HTT: variants seen among roughly 807,000 people sequenced by gnomAD.
HTT encodes the protein huntingtin.
In HTT, 104 loss-of-function variants were observed where a neutral mutation model predicts 362.3. That is an observed-to-expected ratio of 0.29 (90% CI 0.24 to 0.34). The LOEUF (loss-of-function observed/expected upper bound fraction) is 0.34, where lower values mean the gene tolerates loss of function less well. Among genes scored for constraint, HTT ranks in the 10% least tolerant of loss-of-function variants. The pLI is 1.00. For synonymous variants in HTT, 1,577 were observed against 1,548.7 expected (o/e 1.02, Z -0.43); for missense variants, 3,301 against 3,928.6 (o/e 0.84, Z 4.27).
chr4:3,183,397 A>G (rs563317677), intron 37 of HTT, among the ~76,000 whole-genome samples: 1 of 152,326 alleles, frequency 6.6e-6, no homozygotes, highest in African/African-American at 2.4e-5. Flanking sequence ...AAATCTCATG[A>G]GCTGCCTGGC....
chr4:3,238,770 T>A (rs1721664664), intron 65 of HTT, 48 bp from the exon 66 acceptor site: 1 of 1,275,676 alleles, frequency 7.8e-7, no homozygotes, highest in African/African-American at 1.5e-5. Flanking sequence ...AGCAGGTGCT[T>A]CCCGTCCCCC....
At chr4:3,222,073 C>T (rs953403776) in intron 53 of HTT, among the ~76,000 whole-genome samples, 1 of 152,258 alleles carries the variant, frequency 6.6e-6, no homozygotes, top group African/African-American at 2.4e-5. Flanking sequence ...AGGTTGCCTG[C>T]ATGGGCGTCC....
At position 3,099,409 on chromosome 4, in the gene HTT, G is replaced by A; in HGVS notation, c.468+15G>A. On this transcript the variant is annotated intron_variant, in intron 3 of 66. Coordinates refer to ENST00000355072, the MANE Select transcript of HTT (RefSeq NM_001388492.1). ...AAGTTATCAAAGTAAGAACCGTGTG[G>A]ATGATGTTCTCCTCAGAGCTATCAT... The A allele has an allele frequency of 6.2e-7, 1 of 1,613,754 alleles. No homozygotes were observed. Among genetic ancestry groups the A allele is most frequent in the Non-Finnish European group, 8.5e-7 (1 of 1,179,728 alleles).
At position 3,074,905 on chromosome 4, in the gene HTT, AGCAGCAGCAGCAGCAGCAGCAG is replaced by A. The variant is rs1560534901; in HGVS notation, c.81_102del (p.Gln27HisfsTer67). ...CAGCAGCAGCAGCAGCAGCAGCAGC[AGCAGCAGCAGCAGCAGCAGCAG>A]CAGCAGCAACAGCCGCCACCGCCGC... On this transcript the variant is annotated frameshift_variant, in exon 1 of 67. Coordinates refer to ENST00000355072, the MANE Select transcript of HTT (RefSeq NM_001388492.1). LOFTEE classifies it high-confidence loss of function. 4.0e-6 allele frequency: 6 copies of A among 1,499,454 alleles called. No individual in the cohort carries two copies. The highest frequency in any genetic ancestry group is 2.9e-5 in the African/African-American group (2 of 67,806). 92.9% of individuals were successfully genotyped at this position (1,499,454 alleles called of 1,614,324 possible).
At chr4:3,097,823 A>G (rs1012717703) in intron 2 of HTT, among the ~76,000 whole-genome samples, 2 of 152,218 alleles carry the variant, frequency 1.3e-5, no homozygotes, top group South Asian at 2.1e-4. Context: ...GTAAAAATCA[A>G]TATTTAGTTA....
At chr4:3,182,497 G>A in intron 37 of HTT, 27 bp downstream of exon 37, 5 of 1,430,822 alleles carry the variant, frequency 3.5e-6, no homozygotes, top group Non-Finnish European at 3.9e-6. Context: ...TTGGCTTGTT[G>A]TTGCATAGTG....
In HTT at chr4:3,127,401, A is replaced by G. The variant is rs1190553212; in HGVS notation, c.1540A>G (p.Ser514Gly). The change falls in exon 12 of 67, where the codon AGC (serine) becomes GGC (glycine). Residue 514 changes from serine (S) to glycine (G), a missense_variant. Physicochemically the swap from Ser to Gly is moderately conservative, Grantham distance 56 (BLOSUM62 0). Transcript: ENST00000355072. ...TLQADSVDLA[S>G]CDLTSSATDG... ...GCAGGCGGACTCAGTGGATCTGGCC[A>G]GCTGTGACTTGACAAGCTCTGCCAC... 1.1e-5 allele frequency: 18 copies of G among 1,614,180 alleles called. No individual in the cohort carries two copies. The highest frequency in any genetic ancestry group is 1.4e-5 in the Non-Finnish European group (17 of 1,180,020).
intron 29 of HTT, among the ~76,000 whole-genome samples, chr4:3,162,350 G>A (rs916377149): frequency 2.0e-5 from 3 of 152,164 alleles, no homozygotes; most frequent in Non-Finnish European, 2.9e-5. Context: ...TTGAAGTCAG[G>A]TAGTGTGATG....
intron 32 of HTT, 40 bp from the exon 33 acceptor site, chr4:3,174,906 T>C: frequency 1.3e-6 from 2 of 1,552,680 alleles, no homozygotes; most frequent in Non-Finnish European, 8.8e-7. Flanking sequence ...AGTTGAAGGC[T>C]TACTTATGGA....
chr4:3,223,427 A>T lies in HTT; in HGVS notation c.7492A>T (p.Ile2498Phe), dbSNP rs759214847. ...CCAGGAAGACACAGAGAGGACCCAGATCAACGTCCTGGCCGTGCAGGCCAT... is the reference window on the plus strand; with the variant it reads ...CCAGGAAGACACAGAGAGGACCCAGTTCAACGTCCTGGCCGTGCAGGCCAT... The part of the protein sequence containing the change: ...PPEEDTERTQ[I>F]NVLAVQAITS... Residue 2498 changes from isoleucine to phenylalanine, a missense_variant, in exon 55 of 67, where the codon ATC (isoleucine) becomes TTC (phenylalanine). Ile to Phe is a conservative substitution (Grantham distance 21). Transcript: ENST00000355072. 9.4e-6 allele frequency: 15 copies of T among 1,600,670 alleles called. No individual in the cohort carries two copies. Among genetic ancestry groups the T allele is most frequent in the Admixed American group, 3.5e-5 (2 of 57,292 alleles).
chr4:3,194,221 T>A (rs1719145780), intron 40 of HTT, among the ~76,000 whole-genome samples: 1 of 152,240 alleles, frequency 6.6e-6, no homozygotes, highest in Admixed American at 6.5e-5. Flanking sequence ...TAATACCTGG[T>A]TCAGGAACTA....
At chr4:3,144,236 A>G (rs1034409398) in intron 23 of HTT, among the ~76,000 whole-genome samples, 4 of 152,232 alleles carry the variant, frequency 2.6e-5, no homozygotes, top group African/African-American at 7.2e-5. Context: ...CAAATTTTCT[A>G]AAATGAGCAA....
At chr4:3,160,895 G>T (rs1717408253) in intron 29 of HTT, among the ~76,000 whole-genome samples, 1 of 151,766 alleles carries the variant, frequency 6.6e-6, no homozygotes, top group Admixed American at 6.6e-5. Context: ...CTTTTTTTTG[G>T]TGGCTAATTT....
At position 3,240,295 on chromosome 4, in the gene HTT, C is replaced by A. The variant is rs73792379; in HGVS notation, c.*236C>A. 2,524 of 578,208 alleles carry A rather than the reference C, an allele frequency of 4.4e-3. 50 individuals are homozygous for A. The highest frequency in any genetic ancestry group is 0.043 in the African/African-American group (2,318 of 53,514). The allele number at this position is 578,208 out of a possible 1,614,324, so 35.8% of individuals were successfully genotyped here. ...GCTGAGCCTGAGGCCTTCCAGAAAG[C>A]AGGAGCAGCTGTGCTGCACCCCATG... On this transcript the variant is annotated 3_prime_UTR_variant, in exon 67 of 67. Coordinates refer to ENST00000355072, the MANE Select transcript of HTT (RefSeq NM_001388492.1).
intron 57 of HTT, 102 bp downstream of exon 57, chr4:3,225,845 A>G: frequency 1.3e-6 from 1 of 766,080 alleles, no homozygotes; most frequent in Non-Finnish European, 2.1e-6. Context: ...TTTTAAATGA[A>G]AGGAAGTTTT....
In HTT at chr4:3,225,644, G is replaced by C. The variant is rs1254206190; in HGVS notation, c.7766-17G>C. The C allele has an allele frequency of 6.2e-7, 1 of 1,612,002 alleles. No homozygotes were observed. The highest frequency in any genetic ancestry group is 8.5e-7 in the Non-Finnish European group (1 of 1,178,366). On this transcript the variant is annotated splice_polypyrimidine_tract_variant and intron_variant, in intron 56 of 66. Coordinates refer to ENST00000355072, the MANE Select transcript of HTT (RefSeq NM_001388492.1). ...CCCCCCTGTGCAGATCAAGACTCAG[G>C]GTGCTGGTGTTCACAGGTGCCCTCA...
intron 3 of HTT, 39 bp downstream of exon 3, chr4:3,099,433 A>C: frequency 6.2e-7 from 1 of 1,611,002 alleles, no homozygotes; most frequent in South Asian, 1.1e-5. Context: ...CAGAGCTATC[A>C]TTGTTGTAGG....
Position 3,074,970 on chromosome 4 carries a change from C to G in HTT, c.145C>G (p.Pro49Ala). The change falls in exon 1 of 67, where the codon CCT (proline) becomes GCT (alanine). Residue 49 changes from proline to alanine, a missense_variant. By Grantham distance (27) the Pro-to-Ala change is conservative (BLOSUM62 -1). Coordinates refer to ENST00000355072, the MANE Select transcript of HTT (RefSeq NM_001388492.1). ...ACCGCCGCCGCCGCCGCCGCCGCCTCCTCAGCTTCCTCAGCCGCCGCCGCA... is the reference window on the plus strand; with the variant it reads ...ACCGCCGCCGCCGCCGCCGCCGCCTGCTCAGCTTCCTCAGCCGCCGCCGCA... ...PPPPPPPPPP[P>A]QLPQPPPQAQ... 7.0e-7 allele frequency: 1 copy of G among 1,435,628 alleles called. No homozygotes were observed. Among genetic ancestry groups the G allele is most frequent in the Non-Finnish European group, 9.3e-7 (1 of 1,075,108 alleles). The allele number at this position is 1,435,628 out of a possible 1,614,324, so 88.9% of individuals were successfully genotyped here.
intron 1 of HTT, among the ~76,000 whole-genome samples, chr4:3,083,586 C>CACACAT (rs1713041709): frequency 8.4e-6 from 1 of 118,600 alleles, no homozygotes; most frequent in Non-Finnish European, 1.8e-5. Flanking sequence ...CACACACACA[C>CACACAT]ATATATATGT....
Sources: allele counts gnomAD v4.1 joint callset (sites outside exome capture counted in the v4.1 genomes callset), GRCh38; gene constraint gnomAD v4.1.1; transcripts MANE v1.5; gene names NCBI Gene and HGNC (gene_info 2026-07-23, HGNC 2026-07-21).